Variants in PHF21A observed in about 807,000 individuals in gnomAD.
The protein encoded by PHF21A is BHC80a.
Under a neutral mutation model 82.5 loss-of-function variants are expected in PHF21A, and 11 were observed. That is an observed-to-expected ratio of 0.13 (90% CI 0.08 to 0.22). The LOEUF (loss-of-function observed/expected upper bound fraction) is 0.22, where lower values mean the gene tolerates loss of function less well. Ranked by LOEUF, PHF21A falls within the 10% of genes least tolerant of loss-of-function variation. The pLI is 1.00. For synonymous variants in PHF21A, 297 were observed against 302.8 expected, an observed-to-expected ratio of 0.98 and a Z score of 0.20; for missense variants, 579 against 837.8, an observed-to-expected ratio of 0.69 and a Z score of 3.81.
Position 46,027,337 on chromosome 11 carries a change from A to G in PHF21A, c.154-47371T>C, listed in dbSNP as rs180928629. On this transcript the variant is annotated intron_variant, in intron 6 of 18. Coordinates refer to ENST00000676320, the MANE Select transcript of PHF21A (RefSeq NM_001352027.3). ...ATCTGCCATCGTTTACCTTATTTAT[A>G]CATGTATAAGGGGTTTAACAGGTTT... Among the ~76,000 whole-genome samples, 56 of 152,356 alleles carry G rather than the reference A, an allele frequency of 3.7e-4. No individual in the cohort carries two copies. The Middle Eastern group carries it at 0.014, about 37-fold the overall frequency.
chr11:45,979,347 T>G (rs753274470), intron 7 of PHF21A, among the ~76,000 whole-genome samples: 10 of 152,128 alleles, frequency 6.6e-5, no homozygotes, highest in Non-Finnish European at 1.5e-4. Context: ...CTTCTTTCTA[T>G]CTGGTCCCAA....
chr11:46,049,284 T>G (rs118047297), intron 6 of PHF21A: 171 of 342,514 alleles, frequency 5.0e-4, no homozygotes, highest in Non-Finnish European at 9.0e-4. Flanking sequence ...CAAATCCTGA[T>G]AGTAAGGTAT....
At chr11:46,059,731 G>GTATT (rs936538591) in intron 6 of PHF21A, among the ~76,000 whole-genome samples, 19 of 151,944 alleles carry the variant, frequency 1.3e-4, no homozygotes, top group African/African-American at 4.1e-4. Flanking sequence ...CTCCATTTTA[G>GTATT]TATTTATTTA....
chr11:46,066,826 A>G (rs923089537), intron 6 of PHF21A, among the ~76,000 whole-genome samples: 10 of 152,224 alleles, frequency 6.6e-5, no homozygotes, highest in African/African-American at 2.2e-4. Flanking sequence ...TTCTGTGTAA[A>G]CAATTCTAGA....
At chr11:46,031,813 T>A (rs2095871933) in intron 6 of PHF21A, among the ~76,000 whole-genome samples, 1 of 152,154 alleles carries the variant, frequency 6.6e-6, no homozygotes, top group African/African-American at 2.4e-5. Context: ...GCTGGAAGAA[T>A]CTGTAAGTAC....
chr11:46,065,923 G>A (rs2096588464), intron 6 of PHF21A, among the ~76,000 whole-genome samples: 2 of 152,210 alleles, frequency 1.3e-5, no homozygotes, highest in African/African-American at 2.4e-5. Flanking sequence ...GCTCACAGAA[G>A]AGAAACCACC....
intron 10 of PHF21A, among the ~76,000 whole-genome samples, chr11:45,962,222 A>G (rs2093130132): frequency 6.6e-6 from 1 of 152,208 alleles, no homozygotes; most frequent in East Asian, 1.9e-4. Context: ...TAAATGAATG[A>G]TGTTATCATC....
At chr11:46,023,067 T>A (rs891745210) in intron 6 of PHF21A, among the ~76,000 whole-genome samples, 1 of 152,152 alleles carries the variant, frequency 6.6e-6, no homozygotes. Context: ...TTTTCTATTA[T>A]AGTATATTTA....
At chr11:46,009,637 A>G (rs1253086507) in intron 6 of PHF21A, among the ~76,000 whole-genome samples, 1 of 152,252 alleles carries the variant, frequency 6.6e-6, no homozygotes, top group African/African-American at 2.4e-5. Context: ...TGGAGAAACT[A>G]AAGCACAGAA....
intron 1 of PHF21A, among the ~76,000 whole-genome samples, chr11:46,117,575 A>T (rs1435321586): frequency 6.6e-6 from 1 of 152,198 alleles, no homozygotes; most frequent in Non-Finnish European, 1.5e-5. Flanking sequence ...AAACTACAAG[A>T]AGTCTAAAAT....
chr11:46,084,227 C>G lies in PHF21A; in HGVS notation c.-8G>C, dbSNP rs1190032640. 1.3e-6 allele frequency: 2 copies of G among 1,593,564 alleles called. No homozygotes were observed. Among genetic ancestry groups the G allele is most frequent in the African/African-American group, 2.7e-5 (2 of 73,352 alleles). ...TAGAGTCTGCAACTCCATCCTCTAC[C>G]TTCTCCACTTTCTCTGCTAATTCTA... On this transcript the variant is annotated 5_prime_UTR_variant, in exon 4 of 19. Coordinates refer to ENST00000676320, the MANE Select transcript of PHF21A (RefSeq NM_001352027.3).
chr11:45,932,185 G>A lies in PHF21A; in HGVS notation c.*1783C>T, dbSNP rs1350178678. On this transcript the variant is annotated 3_prime_UTR_variant, in exon 19 of 19. Coordinates refer to ENST00000676320, the MANE Select transcript of PHF21A (RefSeq NM_001352027.3). The surrounding 1 kb of genome is among the most constrained non-coding windows in gnomAD (Gnocchi z 4.3). The stretch of plus-strand genomic sequence containing the variant: ...CGCACCCTCCTGTCACGGCCAGGGT[G>A]CGTGCGCACCACAGAGCTCCGCTGG... 1 of 152,296 alleles carries A rather than the reference G, an allele frequency of 6.6e-6. No individual in the cohort carries two copies. Among genetic ancestry groups the A allele is most frequent in the Non-Finnish European group, 1.5e-5 (1 of 68,080 alleles). The allele number at this position is 152,296 out of a possible 1,614,324, so 9.4% of individuals were successfully genotyped here.
intron 6 of PHF21A, among the ~76,000 whole-genome samples, chr11:46,072,204 T>C (rs11038761): frequency 0.12 from 17,933 of 152,192 alleles, 2,293 homozygotes; most frequent in East Asian, 0.58. Flanking sequence ...TACTCAGTAA[T>C]AGTCCTTGAA....
intron 10 of PHF21A, among the ~76,000 whole-genome samples, chr11:45,964,360 C>G (rs2093309521): frequency 6.6e-6 from 1 of 151,940 alleles, no homozygotes; most frequent in South Asian, 2.1e-4. Context: ...CAAGGTCTGC[C>G]GCATTTGTGA....
intron 1 of PHF21A, among the ~76,000 whole-genome samples, chr11:46,116,272 T>A (rs2097288032): frequency 6.6e-6 from 1 of 152,238 alleles, no homozygotes; most frequent in Non-Finnish European, 1.5e-5. Flanking sequence ...ACAAAAATGA[T>A]ATATCCATAT....
At chr11:46,034,829 AG>A (rs1051492657) in intron 6 of PHF21A, among the ~76,000 whole-genome samples, 21 of 152,310 alleles carry the variant, frequency 1.4e-4, no homozygotes, top group African/African-American at 5.1e-4. Context: ...GAGCCCTACA[AG>A]GGGATAGTGG....
intron 6 of PHF21A, among the ~76,000 whole-genome samples, chr11:45,999,290 A>C (rs1415491091): frequency 6.6e-6 from 1 of 152,256 alleles, no homozygotes; most frequent in African/African-American, 2.4e-5. Context: ...TAACTCAAGG[A>C]AACTTTTTTG....
At chr11:46,050,878 G>C (rs1325155256) in intron 6 of PHF21A, among the ~76,000 whole-genome samples, 4 of 152,176 alleles carry the variant, frequency 2.6e-5, no homozygotes, top group Non-Finnish European at 5.9e-5. Flanking sequence ...TCTACTATTT[G>C]CCAGAGAGGC....
chr11:45,993,271 T>C (rs2094781098), intron 6 of PHF21A, among the ~76,000 whole-genome samples: 1 of 152,176 alleles, frequency 6.6e-6, no homozygotes, highest in Non-Finnish European at 1.5e-5. Context: ...TCCCTAATGA[T>C]GTGATTTTTC....
Sources: allele counts gnomAD v4.1 joint callset (sites outside exome capture counted in the v4.1 genomes callset), GRCh38; gene constraint gnomAD v4.1.1; non-coding constraint Gnocchi (gnomAD v3.1); transcripts MANE v1.5; gene names NCBI Gene and HGNC (gene_info 2026-07-23, HGNC 2026-07-21).